Variants in RTN4 observed in about 807,000 individuals in gnomAD.
The protein encoded by RTN4 is reticulon-4.
Under a neutral mutation model 90.4 loss-of-function variants are expected in RTN4, and 32 were observed. That is an observed-to-expected ratio of 0.35 (90% CI 0.27 to 0.48). The LOEUF (loss-of-function observed/expected upper bound fraction) is 0.48. Ranked by LOEUF, RTN4 falls within the 20% of genes least tolerant of loss-of-function variation. RTN4 has a pLI of 0.99. For synonymous variants in RTN4, 629 were observed against 552.5 expected, an observed-to-expected ratio of 1.14 and a Z score of -1.94; for missense variants, 1,706 against 1,430.2, an observed-to-expected ratio of 1.19 and a Z score of -3.11.
chr2:54,979,608 G>C (rs542056031), intron 5 of RTN4, among the ~76,000 whole-genome samples: 2 of 152,286 alleles, frequency 1.3e-5, no homozygotes, highest in Admixed American at 6.5e-5. Flanking sequence ...TTAGGAAAGG[G>C]TTTAGCTAAA....
the RTN4 span, among the ~76,000 whole-genome samples, chr2:55,128,302 G>A: frequency 2.0e-5 from 3 of 152,158 alleles, no homozygotes; most frequent in Non-Finnish European, 4.4e-5. Context: ...CCTTCAGGGT[G>A]GCCTCACATT....
chr2:55,090,030 A>G (rs1309498547), intron 1 of RTN4, among the ~76,000 whole-genome samples: 11 of 152,198 alleles, frequency 7.2e-5, no homozygotes, highest in Admixed American at 7.2e-4. Context: ...TGAAGAACAC[A>G]TGTTTTCTAA....
At chr2:55,049,229 G>C (rs763532685) in intron 1 of RTN4, 5 of 952,140 alleles carry the variant, frequency 5.3e-6, no homozygotes, top group Non-Finnish European at 6.3e-6. Context: ...GGCCACCCAC[G>C]CCAGCCAGGA....
intron 3 of RTN4, among the ~76,000 whole-genome samples, chr2:55,007,771 A>C (rs907261763): frequency 1.3e-5 from 2 of 152,080 alleles, no homozygotes; most frequent in African/African-American, 4.8e-5. Flanking sequence ...GAGGAAACCT[A>C]ATCTAGTTCA....
chr2:55,041,000 TA>T (rs35194022), intron 1 of RTN4, among the ~76,000 whole-genome samples: 75,965 of 147,514 alleles, frequency 0.51, 19,620 homozygotes, highest in East Asian at 0.63. Context: ...GAGACTGCTT[TA>T]AAAAAAAAAA....
At chr2:54,986,266 T>C (rs1678554612) in intron 4 of RTN4, among the ~76,000 whole-genome samples, 1 of 152,208 alleles carries the variant, frequency 6.6e-6, no homozygotes, top group African/African-American at 2.4e-5. Context: ...CTGTAAGAAC[T>C]GAAGTAATCC....
chr2:55,099,241 A>C (rs1035632741), intron 1 of RTN4, among the ~76,000 whole-genome samples: 1 of 152,146 alleles, frequency 6.6e-6, no homozygotes, highest in African/African-American at 2.4e-5. Context: ...TTCAATAATG[A>C]GTTGCCTCCC....
chr2:54,997,711 A>C (rs933927010), intron 3 of RTN4, among the ~76,000 whole-genome samples: 6 of 152,180 alleles, frequency 3.9e-5, no homozygotes, highest in African/African-American at 1.4e-4. Context: ...CCTTACCTGC[A>C]TTTTCCCTTT....
rs148161121 is a variant in RTN4 at position 54,998,912 on chromosome 2, T to A, written c.3014-11214A>T. 2.5e-3 allele frequency among the ~76,000 whole-genome samples: 379 copies of A among 152,312 alleles called. 1 individual carries two copies. The highest frequency in any genetic ancestry group is 6.8e-3 in the Middle Eastern group (2 of 294). ...TTTCTTGGTTCCTCAAGTCTCCTTC[T>A]ATACTGCAGAATAAAGGGTTAATCA... is the stretch of plus-strand genomic sequence containing the variant. On this transcript the variant is annotated intron_variant, in intron 3 of 8. Coordinates refer to ENST00000337526, the MANE Select transcript of RTN4 (RefSeq NM_020532.5).
intron 3 of RTN4, among the ~76,000 whole-genome samples, chr2:54,997,858 G>A (rs990047855): frequency 6.6e-6 from 1 of 152,054 alleles, no homozygotes; most frequent in Non-Finnish European, 1.5e-5. Context: ...TGTTAAAGTT[G>A]TTAATTTCTT....
intron 1 of RTN4, among the ~76,000 whole-genome samples, chr2:55,046,615 C>T (rs1189152465): frequency 6.6e-6 from 1 of 152,124 alleles, no homozygotes; most frequent in East Asian, 1.9e-4. Flanking sequence ...TATTTATGTG[C>T]TTATTATCTG....
intron 5 of RTN4, among the ~76,000 whole-genome samples, chr2:54,978,082 C>G (rs1388106567): frequency 6.6e-6 from 1 of 152,194 alleles, no homozygotes; most frequent in African/African-American, 2.4e-5. Context: ...CACATGCTAG[C>G]AAGAGCGGCT....
chr2:55,094,945 G>C (rs1477858736), intron 1 of RTN4, among the ~76,000 whole-genome samples: 1 of 152,106 alleles, frequency 6.6e-6, no homozygotes, highest in Non-Finnish European at 1.5e-5. Context: ...CATGGTTTCC[G>C]AGTGACCTCC....
intron 1 of RTN4, 122 bp from the exon 2 acceptor site, chr2:55,028,342 G>A (rs1011476993): frequency 2.8e-6 from 2 of 724,940 alleles, no homozygotes; most frequent in Non-Finnish European, 4.5e-6. Flanking sequence ...TACAGAGAAA[G>A]GGCCAAGATC....
intron 2 of RTN4, among the ~76,000 whole-genome samples, chr2:55,060,410 G>A (rs1477744826): frequency 6.6e-6 from 1 of 152,124 alleles, no homozygotes; most frequent in Non-Finnish European, 1.5e-5. Context: ...ATTTTTAAGT[G>A]CAGTGATCTC....
In RTN4 at chr2:55,050,316, A is replaced by T; in HGVS notation, c.-16T>A. 7.2e-7 allele frequency: 1 copy of T among 1,393,710 alleles called. No homozygotes were observed. Among genetic ancestry groups the T allele is most frequent in the Non-Finnish European group, 9.3e-7 (1 of 1,071,720 alleles). 86.3% of individuals were successfully genotyped at this position (1,393,710 alleles called of 1,614,324 possible). A position where few individuals can be genotyped will look rare whatever the true frequency, so the allele number is the denominator to read the frequency against. ...GGTCTTCCATGGCTGGAGGGTGGAG[A>T]TGATGCTGCAGCTGCTGCCGCCGCC... On this transcript the variant is annotated 5_prime_UTR_variant, in exon 1 of 9. Transcript: ENST00000337526. The surrounding 1 kb of genome is among the most constrained non-coding windows in gnomAD (Gnocchi z 4.6).
At chr2:55,079,972 G>A (rs1479280015) in intron 2 of RTN4, among the ~76,000 whole-genome samples, 1 of 152,166 alleles carries the variant, frequency 6.6e-6, no homozygotes, top group East Asian at 1.9e-4. Flanking sequence ...ATAATACTAT[G>A]ACCTATCTGG....
intron 2 of RTN4, among the ~76,000 whole-genome samples, chr2:55,027,703 A>T (rs1449960478): frequency 6.6e-6 from 1 of 152,234 alleles, no homozygotes; most frequent in East Asian, 1.9e-4. Context: ...AGAGGCAATT[A>T]CATGCTGTGC....
intron 1 of RTN4, among the ~76,000 whole-genome samples, chr2:55,031,158 A>C (rs1682284429): frequency 6.6e-6 from 1 of 152,242 alleles, no homozygotes; most frequent in African/African-American, 2.4e-5. Flanking sequence ...GAGTAATTAC[A>C]ACAGACTAAT....
Sources: gnomAD v4.1 joint callset for allele counts (sites outside exome capture counted in the v4.1 genomes callset) on GRCh38, gnomAD v4.1.1 for gene constraint, Gnocchi (gnomAD v3.1) non-coding constraint, MANE v1.5 for transcripts, NCBI Gene and HGNC (gene_info 2026-07-23, HGNC 2026-07-21) for gene names.